MYLK: variants seen among roughly 807,000 people sequenced by gnomAD.
The protein encoded by MYLK is myosin light chain kinase, also known as myosin light chain kinase, smooth muscle.
In MYLK, 106 loss-of-function variants were observed where a neutral mutation model predicts 203.4. The observed-to-expected ratio is 0.52, with a 90% CI of 0.45 to 0.61. MYLK has a LOEUF of 0.61. Among genes scored for constraint, MYLK ranks in the 20% least tolerant of loss-of-function variants. The probability of loss-of-function intolerance (pLI) is 0.00; values close to 1 mark genes in which losing one functional copy is unlikely to be tolerated. For synonymous variants in MYLK, 867 were observed against 959.5 expected (o/e 0.90, Z 1.78); for missense variants, 2,072 against 2,442.3 (o/e 0.85, Z 3.20).
Position 123,739,969 on chromosome 3 carries a change from C to A in MYLK, c.406G>T (p.Val136Phe). The A allele has an allele frequency of 6.2e-7, 1 of 1,613,978 alleles. No homozygotes were observed. The highest frequency in any genetic ancestry group is 8.5e-7 in the Non-Finnish European group (1 of 1,179,866). The change falls in exon 6 of 34, where the codon GTT becomes TTT. Residue 136 changes from valine to phenylalanine, a missense_variant. By Grantham distance (50) the Val-to-Phe change is conservative. Around this residue, in one of 3 missense-constraint regions of MYLK, gnomAD observed 683 missense variants for 643.8 expected, o/e 1.06. Transcript: ENST00000360304. ...AGGACTTACCCTAAGGTTTTGGAAA[C>A]AACAGGCTGACCAAGCTGCTTCGCA... is the stretch of plus-strand genomic sequence containing the variant. Reference protein sequence around the residue: ...SFAKQLGQPVVSKTLGDRFSA... With the variant: ...SFAKQLGQPVFSKTLGDRFSA...
chr3:123,836,640 A>G (rs879233673), intron 2 of MYLK, among the ~76,000 whole-genome samples: 3 of 152,168 alleles, frequency 2.0e-5, no homozygotes, highest in Non-Finnish European at 4.4e-5. Flanking sequence ...CCTGTAGGAA[A>G]GCTGTACTAA....
rs5852352 is a variant in MYLK at position 123,704,747 on chromosome 3, CAAAA to C, written c.2390+3003_2390+3006del. ...TGAAACCCCGTCTCTACTAAAAATA[CAAAA>C]AAAAAAAAAAAAAAAAAAATTAGCC... On this transcript the variant is annotated intron_variant, in intron 16 of 33. Transcript: ENST00000360304. Among the ~76,000 whole-genome samples the C allele has an allele frequency of 9.1e-5, 8 of 87,688 alleles. No homozygotes were observed. The South Asian group carries it at 1.4e-3, about 15-fold the overall frequency. 57.5% of individuals were successfully genotyped at this position (87,688 alleles called of 152,430 possible). A position where few individuals can be genotyped will look rare whatever the true frequency, so the allele number is the denominator to read the frequency against.
intron 4 of MYLK, among the ~76,000 whole-genome samples, chr3:123,772,833 A>C (rs979123602): frequency 1.7e-4 from 26 of 152,044 alleles, no homozygotes; most frequent in African/African-American, 5.8e-4. Context: ...TAATAGGTAA[A>C]GTGATAACTA....
intron 8 of MYLK, chr3:123,735,675 A>G: frequency 2.1e-6 from 1 of 472,956 alleles, no homozygotes; most frequent in Non-Finnish European, 3.8e-6. Flanking sequence ...TCTGTTCACT[A>G]AACAGAAGGA....
At position 123,630,164 on chromosome 3, in the gene MYLK, A is replaced by C. The variant is rs188969794; in HGVS notation, c.4962-538T>G. On this transcript the variant is annotated intron_variant, in intron 29 of 33. Coordinates refer to ENST00000360304, the MANE Select transcript of MYLK (RefSeq NM_053025.4). ...ATGGATAGATGGACTTTGAATCAGC[A>C]ATGTAGGTTCGGGGAACTTGAGGCA... Among the ~76,000 whole-genome samples the C allele has an allele frequency of 4.6e-4, 70 of 152,292 alleles. 1 individual carries two copies. In the East Asian group the frequency reaches 0.013, roughly 29 times the overall value.
chr3:123,727,946 C>A (rs1226412809), intron 11 of MYLK, among the ~76,000 whole-genome samples: 1 of 152,066 alleles, frequency 6.6e-6, no homozygotes, highest in South Asian at 2.1e-4. Context: ...GTAGGAGGAG[C>A]TAAAAGAACA....
intron 16 of MYLK, among the ~76,000 whole-genome samples, chr3:123,706,691 A>G (rs111410037): frequency 9.0e-4 from 137 of 152,102 alleles, no homozygotes; most frequent in African/African-American, 3.1e-3. Context: ...TAGCTACCCA[A>G]TGTCGACTAT....
chr3:123,848,926 A>G (rs563366071), intron 2 of MYLK, among the ~76,000 whole-genome samples: 17 of 152,314 alleles, frequency 1.1e-4, no homozygotes, highest in African/African-American at 3.6e-4. Context: ...TTTTAAATAT[A>G]GCCAAATAAA....
rs528507616 is a variant in MYLK, at chr3:123,700,805, C to T, written c.2663G>A (p.Arg888His). 15 of 1,614,198 alleles carry T rather than the reference C, an allele frequency of 9.3e-6. No homozygotes were observed. In the Admixed American group the frequency reaches 1.0e-4, roughly 11 times the overall value. ...GTCCAGCTGCTCCACCTCCTGCTGG[C>T]GGATCGCCTCCTCAGTGTGCTGCCT... is the stretch of plus-strand genomic sequence containing the variant. The part of the protein sequence containing the change: ...ETRQHTEEAI[R>H]QQEVEQLDFR... The change falls in exon 18 of 34, where the codon CGC becomes CAC. Residue 888 changes from arginine (R) to histidine (H), a missense_variant. Arg to His is a conservative substitution (Grantham distance 29). Coordinates refer to ENST00000360304, the MANE Select transcript of MYLK (RefSeq NM_053025.4).
At chr3:123,846,942 T>C (rs1414737105) in intron 2 of MYLK, among the ~76,000 whole-genome samples, 4 of 152,140 alleles carry the variant, frequency 2.6e-5, no homozygotes. Flanking sequence ...TGGTAAATAG[T>C]ACTTTAATAT....
At chr3:123,704,017 C>A (rs1372641080) in intron 16 of MYLK, among the ~76,000 whole-genome samples, 2 of 152,228 alleles carry the variant, frequency 1.3e-5, no homozygotes, top group African/African-American at 4.8e-5. Context: ...CAGGTAAGGG[C>A]TTCTGTCACT....
chr3:123,745,293 A>C (rs2062982181), intron 5 of MYLK, among the ~76,000 whole-genome samples: 1 of 152,132 alleles, frequency 6.6e-6, no homozygotes, highest in Admixed American at 6.6e-5. Flanking sequence ...TCACTGGGAA[A>C]CCAAAAGGGC....
chr3:123,664,266 C>T lies in MYLK; in HGVS notation c.3832-8G>A, dbSNP rs202218458. 2.7e-5 allele frequency: 43 copies of T among 1,613,970 alleles called. No individual in the cohort carries two copies. The highest frequency in any genetic ancestry group is 1.1e-4 in the South Asian group (10 of 91,078). ...GTGCTCGCTTTCCTGGATCTAGGGG[C>T]GGAGGATGGAGCAGGTGCTGGAGCC... On this transcript the variant is annotated splice_region_variant and splice_polypyrimidine_tract_variant and intron_variant, in intron 22 of 33. Transcript: ENST00000360304.
chr3:123,738,796 C>T (rs2062763491), intron 7 of MYLK, 101 bp downstream of exon 7: 3 of 1,477,340 alleles, frequency 2.0e-6, no homozygotes, highest in African/African-American at 1.4e-5. Context: ...TCCATTAAAC[C>T]TCTTTCCTTC....
At chr3:123,857,572 T>A (rs1272317567) in intron 2 of MYLK, among the ~76,000 whole-genome samples, 1 of 147,346 alleles carries the variant, frequency 6.8e-6, no homozygotes, top group Non-Finnish European at 1.5e-5. Context: ...CCGCATATTC[T>A]CACTCATAGG....
chr3:123,694,919 G>GT (rs942574132), intron 18 of MYLK, among the ~76,000 whole-genome samples: 13 of 152,090 alleles, frequency 8.5e-5, no homozygotes, highest in South Asian at 8.3e-4. Flanking sequence ...TTTCCCAGAG[G>GT]TTTTTTTTTG....
chr3:123,664,066 C>T lies in MYLK; in HGVS notation c.3985+39G>A, dbSNP rs749407407. On this transcript the variant is annotated intron_variant, in intron 23 of 33. Coordinates refer to ENST00000360304, the MANE Select transcript of MYLK (RefSeq NM_053025.4). ...TTGCCTGGGGGCTCCCTGCCTTCCC[C>T]TTGCCCCAAGCTCCATGCCACCCAG... The T allele has an allele frequency of 2.5e-6, 4 of 1,613,264 alleles. No individual in the cohort carries two copies. In the Admixed American group the frequency reaches 5.0e-5, roughly 20 times the overall value.
intron 19 of MYLK, among the ~76,000 whole-genome samples, chr3:123,685,920 C>A (rs2060436417): frequency 6.6e-6 from 1 of 152,150 alleles, no homozygotes; most frequent in Non-Finnish European, 1.5e-5. Flanking sequence ...TAGGCACACC[C>A]CAGACTCGGA....
intron 4 of MYLK, among the ~76,000 whole-genome samples, chr3:123,763,869 T>C (rs2063616763): frequency 6.6e-6 from 1 of 152,196 alleles, no homozygotes; most frequent in Non-Finnish European, 1.5e-5. Context: ...TGAGGAATGT[T>C]TGTGTTTTGA....
Sources: allele counts gnomAD v4.1 joint callset (sites outside exome capture counted in the v4.1 genomes callset), GRCh38; gene constraint gnomAD v4.1.1; regional missense constraint gnomAD v4.1.1; transcripts MANE v1.5; gene names NCBI Gene and HGNC (gene_info 2026-07-23, HGNC 2026-07-21).